The following PGAP6 variants were observed in gnomAD, a reference collection of about 807,000 sequenced individuals.
PGAP6 encodes post-GPI attachment to proteins 6, also known as post-GPI attachment to proteins factor 6.
In PGAP6, 62 loss-of-function variants were observed where a neutral mutation model predicts 68.4. The ratio of observed to expected loss-of-function variants is 0.91; its 90% CI spans 0.74 to 1.12. The LOEUF is 1.12. Ranked by LOEUF, PGAP6 falls within the 50% of genes most tolerant of loss-of-function variation. The probability of loss-of-function intolerance (pLI) is 0.00; values close to 1 mark genes in which losing one functional copy is unlikely to be tolerated. For synonymous variants in PGAP6, 575 were observed against 474.0 expected, an observed-to-expected ratio of 1.21 and a Z score of -2.77; for missense variants, 1,188 against 1,068.5, an observed-to-expected ratio of 1.11 and a Z score of -1.56.
upstream of PGAP6, among the ~76,000 whole-genome samples, chr16:385,506 T>A (rs2141771812): frequency 6.7e-6 from 1 of 149,730 alleles, no homozygotes. Context: ...AGAGATGGGA[T>A]TTCACCCTGT....
intron 11 of PGAP6, 66 bp downstream of exon 11, chr16:373,939 T>C: frequency 6.6e-7 from 1 of 1,510,130 alleles, no homozygotes; most frequent in Non-Finnish European, 8.8e-7. Context: ...CGGTACTGCC[T>C]TTCGCAGGCT....
In PGAP6 at chr16:377,756, C is replaced by T. The variant is rs998645554; in HGVS notation, c.214G>A (p.Val72Met). Reference protein sequence around the residue: ...YGSARLFRFRVPPDAVLLRWL... With the variant: ...YGSARLFRFRMPPDAVLLRWL... ...CGTAGAAGCACAGCATCTGGGGGCA[C>T]GCGGAAGCGGAAGAGCCTGGCACTG... The change falls in exon 2 of 13, where the codon GTG (valine) becomes ATG (methionine). Residue 72 changes from valine to methionine, a missense_variant. Transcript: ENST00000431232. 14 of 1,593,270 alleles carry T rather than the reference C, an allele frequency of 8.8e-6. No homozygotes were observed. The highest frequency in any genetic ancestry group is 2.7e-5 in the African/African-American group (2 of 74,578).
At position 374,361 on chromosome 16, in the gene PGAP6, G is replaced by C. The variant is rs1470041111; in HGVS notation, c.1615C>G (p.Gln539Glu). 5 of 1,597,864 alleles carry C rather than the reference G, an allele frequency of 3.1e-6. No individual in the cohort carries two copies. The highest frequency in any genetic ancestry group is 1.3e-5 in the African/African-American group (1 of 74,728). Residue 539 changes from glutamine (Q) to glutamate (E), a missense_variant, in exon 10 of 13, where the codon CAG (glutamine) becomes GAG (glutamate). By Grantham distance (29) the Gln-to-Glu change is conservative. Coordinates refer to ENST00000431232, the MANE Select transcript of PGAP6 (RefSeq NM_021259.3). ...GWSCTDNSTAQTVAQQRAATL... is the reference protein window; with the variant it reads ...GWSCTDNSTAETVAQQRAATL... Reference sequence around the variant, plus strand: ...GCCGCCCTCTGCTGGGCCACCGTCTGGGCTGTGCTGTTGTCCGTGCAGCTC... The same window carrying C: ...GCCGCCCTCTGCTGGGCCACCGTCTCGGCTGTGCTGTTGTCCGTGCAGCTC...
At chr16:382,016 A>G (rs2054444818), upstream of PGAP6, 1 of 857,966 alleles carries the variant, frequency 1.2e-6, no homozygotes. Context: ...CGAGCCGGGA[A>G]GGCGAGGGCG....
chr16:376,962 C>T, intron 4 of PGAP6, 75 bp downstream of exon 4: 1 of 1,587,410 alleles, frequency 6.3e-7, no homozygotes, highest in Non-Finnish European at 8.5e-7. Context: ...CAGGGCCAGG[C>T]TCTCGCACCC....
At chr16:376,897 C>G in intron 4 of PGAP6, 85 bp from the exon 5 acceptor site, 1 of 1,566,808 alleles carries the variant, frequency 6.4e-7, no homozygotes, top group Non-Finnish European at 8.6e-7. Context: ...TGTTCCTCAG[C>G]CCACTCTGGT....
rs768626971 is a variant in PGAP6 at position 377,704 on chromosome 16, C to G, written c.266G>C (p.Ser89Thr). 8 of 1,593,640 alleles carry G rather than the reference C, an allele frequency of 5.0e-6. No homozygotes were observed. Among genetic ancestry groups the G allele is most frequent in the Non-Finnish European group, 6.8e-6 (8 of 1,171,178 alleles). The part of the protein sequence containing the change: ...LRWLLQVSRE[S>T]GAACTDAEIT... Reference sequence around the variant, plus strand: ...CTCCGCGTCGGTGCAGGCAGCGCCGCTCTCCCGGGAGACCTGCAGGAGCCA... The same window carrying G: ...CTCCGCGTCGGTGCAGGCAGCGCCGGTCTCCCGGGAGACCTGCAGGAGCCA... The change falls in exon 2 of 13, where the codon AGC becomes ACC. Residue 89 changes from serine to threonine, a missense_variant. Physicochemically the swap from Ser to Thr is moderately conservative, Grantham distance 58. Transcript: ENST00000431232.
At position 379,366 on chromosome 16, in the gene PGAP6, T is replaced by C. The variant is rs2141765106; in HGVS notation, c.122-1518A>G. On this transcript the variant is annotated intron_variant, in intron 1 of 12. Transcript: ENST00000431232. ...GCCTGTCGGCAAATCCAGGCCAAGC[T>C]CCAGGGGAACCTGGCGTGGCGACTG... Among the ~76,000 whole-genome samples the C allele has an allele frequency of 2.6e-5, 4 of 152,280 alleles. 1 individual carries two copies. Among genetic ancestry groups the C allele is most frequent in the African/African-American group, 9.6e-5 (4 of 41,566 alleles).
intron 6 of PGAP6, 30 bp from the exon 7 acceptor site, chr16:375,465 C>T (rs1460062223): frequency 1.9e-6 from 3 of 1,601,884 alleles, no homozygotes; most frequent in Non-Finnish European, 2.6e-6. Context: ...CGGCTCAGCT[C>T]CAGCAGCCCC....
In PGAP6 at chr16:376,743, C is replaced by G. The variant is rs2054388015; in HGVS notation, c.705G>C (p.Leu235=). ...ELRDCVSNGS[L]GCPVRLTVGP... is the part of the protein sequence containing the mutation. ...CCACGGTGAGACGCACGGGGCAGCC[C>G]AGGCTCCCATTGGACACGCAGTCCC... Residue 235 remains leucine (L), a synonymous_variant, in exon 5 of 13, where the codon CTG becomes CTC. Coordinates refer to ENST00000431232, the MANE Select transcript of PGAP6 (RefSeq NM_021259.3). 1 of 1,611,584 alleles carries G rather than the reference C, an allele frequency of 6.2e-7. No homozygotes were observed.
chr16:375,453 G>A lies in PGAP6; in HGVS notation c.1225-18C>T. The stretch of plus-strand genomic sequence containing the variant: ...ATCTCTGTCTGGAAAGGGAGGCGGT[G>A]CCGGCTCAGCTCCAGCAGCCCCTGG... On this transcript the variant is annotated intron_variant, in intron 6 of 12. Transcript: ENST00000431232. 1.2e-6 allele frequency: 2 copies of A among 1,608,878 alleles called. No individual in the cohort carries two copies.
upstream of PGAP6, chr16:382,053 C>T (rs1385351960): frequency 2.4e-5 from 11 of 456,040 alleles, 1 homozygote; most frequent in Non-Finnish European, 3.3e-5. Flanking sequence ...CCGGGGGGGG[C>T]GCGGACGCCG....
At chr16:385,139 C>A (rs2054472978), upstream of PGAP6, among the ~76,000 whole-genome samples, 2 of 149,784 alleles carry the variant, frequency 1.3e-5, no homozygotes, top group Admixed American at 1.3e-4. Flanking sequence ...GCACTCCAGC[C>A]TGGGCAACCA....
rs777631240 is a variant in PGAP6 at position 374,091 on chromosome 16, G to C, written c.1816C>G (p.Leu606Val). ...AVLCILSYDTLQYCDFLGSGA... is the reference protein window; with the variant it reads ...AVLCILSYDTVQYCDFLGSGA... ...GAGCCCAAGAAGTCGCAGTACTGCA[G>C]CGTGTCGTAGCTGAGGATGCACAGC... The change falls in exon 11 of 13, where the codon CTG (leucine) becomes GTG (valine). Residue 606 changes from leucine to valine, a missense_variant. Physicochemically the swap from Leu to Val is conservative, Grantham distance 32. Transcript: ENST00000431232. The C allele has an allele frequency of 5.0e-6, 8 of 1,611,822 alleles. No individual in the cohort carries two copies. The East Asian group carries it at 1.3e-4, about 27-fold the overall frequency.
rs1207215002 is a variant in PGAP6 at position 376,186 on chromosome 16, T to C, written c.1174A>G (p.Thr392Ala). ...AGGGAACCCCCGCTGTCCATGCCGG[T>C]GTTCAGGCGCAGCCGCATCACGGAG... ...TPSVMRLRLN[T>A]GMDSGGSLTI... Residue 392 changes from threonine to alanine, a missense_variant, in exon 6 of 13, where the codon ACC becomes GCC. By Grantham distance (58) the Thr-to-Ala change is moderately conservative. Coordinates refer to ENST00000431232, the MANE Select transcript of PGAP6 (RefSeq NM_021259.3). 3 of 1,612,012 alleles carry C rather than the reference T, an allele frequency of 1.9e-6. No individual in the cohort carries two copies. The highest frequency in any genetic ancestry group is 2.7e-5 in the African/African-American group (2 of 74,910).
rs188001929 is a variant in PGAP6 at position 377,856 on chromosome 16, G to A, written c.122-8C>T. The A allele has an allele frequency of 4.3e-3, 6,653 of 1,550,272 alleles. 25 individuals are homozygous for A. Among genetic ancestry groups the A allele is most frequent in the Non-Finnish European group, 5.0e-3 (5,694 of 1,146,830 alleles). ...CGGACACCAGCCCCACCTCTGTGAGGAGAAGGAGGTGTCAGCCAGGCCGGG... is the reference window on the plus strand; with the variant it reads ...CGGACACCAGCCCCACCTCTGTGAGAAGAAGGAGGTGTCAGCCAGGCCGGG... On this transcript the variant is annotated splice_region_variant and splice_polypyrimidine_tract_variant and intron_variant, in intron 1 of 12. Coordinates refer to ENST00000431232, the MANE Select transcript of PGAP6 (RefSeq NM_021259.3).
chr16:372,544 A>G, intron 12 of PGAP6, 67 bp downstream of exon 12: 1 of 1,309,034 alleles, frequency 7.6e-7, no homozygotes, highest in Non-Finnish European at 1.1e-6. Flanking sequence ...GAACGTGGCT[A>G]GAGCAAGGGG....
intron 4 of PGAP6, 89 bp downstream of exon 4, chr16:376,948 G>A: frequency 6.4e-7 from 1 of 1,573,160 alleles, no homozygotes; most frequent in Non-Finnish European, 8.6e-7. Context: ...CCAACCCCAG[G>A]ACTCAGGGCC....
upstream of PGAP6, chr16:382,536 T>C (rs1441803158): frequency 5.4e-5 from 18 of 335,376 alleles, no homozygotes; most frequent in Non-Finnish European, 9.7e-5. Flanking sequence ...GTTTAGGGAC[T>C]GTAGTACCCG....
Sources: gnomAD v4.1 joint callset for allele counts (sites outside exome capture counted in the v4.1 genomes callset) on GRCh38, gnomAD v4.1.1 for gene constraint, MANE v1.5 for transcripts, NCBI Gene and HGNC (gene_info 2026-07-23, HGNC 2026-07-21) for gene names.